Variants in TYW1B observed in about 807,000 individuals in gnomAD.
The protein encoded by TYW1B is S-adenosyl-L-methionine-dependent tRNA 4-demethylwyosine synthase TYW1B.
Under a neutral mutation model 86.9 loss-of-function variants are expected in TYW1B, and 73 were observed. That is an observed-to-expected ratio of 0.84 (90% CI 0.70 to 1.02). The LOEUF is 1.02. TYW1B is among the 50% of genes least tolerant of loss of function. TYW1B has a pLI of 0.00. For synonymous variants in TYW1B, 248 were observed against 292.8 expected (o/e 0.85, Z 1.56); for missense variants, 637 against 827.4 (o/e 0.77, Z 2.82).
At chr7:72,727,012 G>A (rs1585933839) in intron 9 of TYW1B, among the ~76,000 whole-genome samples, 1 of 152,242 alleles carries the variant, frequency 6.6e-6, no homozygotes, top group South Asian at 2.1e-4. Context: ...AGAACACCAT[G>A]GGGGAAATGG....
Position 72,802,667 on chromosome 7 carries a change from C to G in TYW1B, c.724-145G>C, listed in dbSNP as rs1164743852. On this transcript the variant is annotated intron_variant, in intron 5 of 13. Transcript: ENST00000620995. ...ACAGGGTCTCGCTCTGTCGCCCAGG[C>G]TGGAGCGCAGTGGCGTCATCTCGGC... 8 of 1,358,606 alleles carry G rather than the reference C, an allele frequency of 5.9e-6. No homozygotes were observed. In the African/African-American group the frequency reaches 1.0e-4, roughly 18 times the overall value. The allele number at this position is 1,358,606 out of a possible 1,614,324, so 84.2% of individuals were successfully genotyped here. A position where few individuals can be genotyped will look rare whatever the true frequency, so the allele number is the denominator to read the frequency against.
chr7:72,755,101 T>TA (rs1787563938), intron 7 of TYW1B, among the ~76,000 whole-genome samples: 2 of 152,150 alleles, frequency 1.3e-5, no homozygotes. Flanking sequence ...AGCACACTGC[T>TA]ATCAAGAGTA....
rs1245165473 is a variant in TYW1B, at chr7:72,798,008, T to TAC, written c.846+4391_846+4392insGT. On this transcript the variant is annotated intron_variant, in intron 6 of 13. Coordinates refer to ENST00000620995, the MANE Select transcript of TYW1B (RefSeq NM_001145440.3). ...CCAGCTAGAAAATACTATTTATATA[T>TAC]ATACACACACACACACACACACACA... Among the ~76,000 whole-genome samples the TAC allele has an allele frequency of 9.6e-3, 564 of 58,822 alleles. 4 individuals carry two copies. Among genetic ancestry groups the TAC allele is most frequent in the African/African-American group, 0.024 (536 of 22,556 alleles). The allele number at this position is 58,822 out of a possible 152,430, so 38.6% of individuals were successfully genotyped here. A position where few individuals can be genotyped will look rare whatever the true frequency, so the allele number is the denominator to read the frequency against.
At chr7:72,797,662 A>G (rs1450496005) in intron 6 of TYW1B, among the ~76,000 whole-genome samples, 2 of 152,200 alleles carry the variant, frequency 1.3e-5, no homozygotes, top group African/African-American at 4.8e-5. Flanking sequence ...GGTTGCAGTG[A>G]GCTGTGATCA....
intron 13 of TYW1B, among the ~76,000 whole-genome samples, chr7:72,606,078 AG>A (rs1811788014): frequency 6.6e-6 from 1 of 152,266 alleles, no homozygotes; most frequent in East Asian, 1.9e-4. Flanking sequence ...CACACTGGCT[AG>A]GGGCCTTGGG....
At chr7:72,738,088 C>CTT (rs60979976) in intron 8 of TYW1B, among the ~76,000 whole-genome samples, 10,471 of 127,834 alleles carry the variant, frequency 0.082, 797 homozygotes, top group East Asian at 0.33. Context: ...TTCTTTCTTT[C>CTT]TTTTTTTTTT....
intron 13 of TYW1B, among the ~76,000 whole-genome samples, chr7:72,593,506 A>ATATCATATATTG (rs1554431954): frequency 6.6e-6 from 1 of 152,006 alleles, no homozygotes; most frequent in Non-Finnish European, 1.5e-5. Flanking sequence ...ATATTCTCCA[A>ATATCATATATTG]GAACAATGGG....
chr7:72,663,730 C>G (rs1371725241), intron 11 of TYW1B, among the ~76,000 whole-genome samples: 1 of 136,690 alleles, frequency 7.3e-6, no homozygotes, highest in East Asian at 2.2e-4. Context: ...CGCCACTGCA[C>G]TCCAGCCTGG....
intron 3 of TYW1B, among the ~76,000 whole-genome samples, chr7:72,813,507 G>A (rs1478245196): frequency 6.6e-6 from 1 of 152,144 alleles, no homozygotes; most frequent in Non-Finnish European, 1.5e-5. Context: ...ACCTGCGTCA[G>A]CATCACCAGG....
At chr7:72,750,759 G>C (rs2129571484) in intron 7 of TYW1B, among the ~76,000 whole-genome samples, 2 of 152,240 alleles carry the variant, frequency 1.3e-5, no homozygotes, top group Middle Eastern at 6.8e-3. Context: ...CTTGGGACCA[G>C]TAGTGTTTCA....
At chr7:72,813,164 A>ACTTCTT (rs1302580217) in intron 3 of TYW1B, among the ~76,000 whole-genome samples, 3 of 141,178 alleles carry the variant, frequency 2.1e-5, no homozygotes, top group African/African-American at 8.0e-5. Flanking sequence ...AGCTCTACAT[A>ACTTCTT]CTTCTTCTTT....
intron 13 of TYW1B, among the ~76,000 whole-genome samples, chr7:72,576,909 C>T (rs1811036248): frequency 6.6e-6 from 1 of 151,898 alleles, no homozygotes; most frequent in South Asian, 2.1e-4. Context: ...GGTGGATCAC[C>T]TGAGGTCGGG....
Position 72,686,954 on chromosome 7 carries a change from T to C in TYW1B, c.1506+7733A>G, listed in dbSNP as rs4128102. Among the ~76,000 whole-genome samples the C allele has an allele frequency of 6.9e-3, 1,049 of 151,982 alleles. 10 individuals are homozygous for C. The highest frequency in any genetic ancestry group is 0.023 in the African/African-American group (953 of 41,444). ...AATCTCAGATGATTCACAGACCAAA[T>C]TGAAAAATAATAATAACAACATTTC... On this transcript the variant is annotated intron_variant, in intron 11 of 13. Coordinates refer to ENST00000620995, the MANE Select transcript of TYW1B (RefSeq NM_001145440.3).
intron 6 of TYW1B, among the ~76,000 whole-genome samples, chr7:72,796,945 A>G (rs1213898495): frequency 1.4e-5 from 2 of 141,970 alleles, no homozygotes; most frequent in Non-Finnish European, 3.1e-5. Flanking sequence ...CTGGGATTAC[A>G]GGCACGTACC....
chr7:72,731,393 CAAAAAAA>C (rs59262388), intron 8 of TYW1B, among the ~76,000 whole-genome samples: 21 of 33,046 alleles, frequency 6.4e-4, no homozygotes, highest in African/African-American at 2.8e-3. Flanking sequence ...TACCAAACTG[CAAAAAAA>C]AAAAAAAAAA....
intron 11 of TYW1B, among the ~76,000 whole-genome samples, chr7:72,672,889 C>G (rs1342624074): frequency 3.9e-5 from 6 of 152,222 alleles, no homozygotes; most frequent in Non-Finnish European, 7.3e-5. Context: ...CATAAATAGG[C>G]CGGGCATGGT....
At chr7:72,778,600 C>T (rs1787997567) in intron 6 of TYW1B, among the ~76,000 whole-genome samples, 1 of 152,208 alleles carries the variant, frequency 6.6e-6, no homozygotes, top group Non-Finnish European at 1.5e-5. Flanking sequence ...CAGGCGTGCA[C>T]CACCATGCCT....
chr7:72,807,411 C>T, intron 4 of TYW1B, 55 bp from the exon 5 acceptor site: 1 of 1,569,250 alleles, frequency 6.4e-7, no homozygotes, highest in Non-Finnish European at 8.7e-7. Context: ...CAGGGTTTTC[C>T]AGACTGCTCT....
At chr7:72,582,256 T>C (rs1214923060) in intron 13 of TYW1B, among the ~76,000 whole-genome samples, 3 of 152,014 alleles carry the variant, frequency 2.0e-5, no homozygotes, top group Non-Finnish European at 4.4e-5. Context: ...GTGTCTACAA[T>C]GGATAAAACC....
Sources: gnomAD v4.1 joint callset for allele counts (sites outside exome capture counted in the v4.1 genomes callset) on GRCh38, gnomAD v4.1.1 for gene constraint, MANE v1.5 for transcripts, NCBI Gene and HGNC (gene_info 2026-07-23, HGNC 2026-07-21) for gene names.